CGNL1: variants seen among roughly 807,000 people sequenced by gnomAD.
The protein encoded by CGNL1 is cingulin-like protein 1.
Under a neutral mutation model 141.2 loss-of-function variants are expected in CGNL1, and 132 were observed. That is an observed-to-expected ratio of 0.93 (90% CI 0.81 to 1.08). The LOEUF (loss-of-function observed/expected upper bound fraction) is 1.08. CGNL1 is among the 50% of genes least tolerant of loss of function. The probability of loss-of-function intolerance (pLI) is 0.00; values close to 1 mark genes in which losing one functional copy is unlikely to be tolerated. For synonymous variants in CGNL1, 690 were observed against 622.1 expected, an observed-to-expected ratio of 1.11 and a Z score of -1.63; for missense variants, 1,870 against 1,588.6, an observed-to-expected ratio of 1.18 and a Z score of -3.01.
intron 8 of CGNL1, among the ~76,000 whole-genome samples, chr15:57,479,381 G>A (rs1318309344): frequency 1.3e-5 from 2 of 152,134 alleles, no homozygotes; most frequent in African/African-American, 4.8e-5. Context: ...ATGGGCAAAG[G>A]GGCTGGGCAT....
chr15:57,530,687 C>T (rs1253679764), intron 13 of CGNL1, among the ~76,000 whole-genome samples: 3 of 152,174 alleles, frequency 2.0e-5, no homozygotes, highest in African/African-American at 7.2e-5. Context: ...AGATGCTTGG[C>T]TCCTGGGTGA....
At chr15:57,542,270 G>A (rs1446377117) in intron 14 of CGNL1, among the ~76,000 whole-genome samples, 1 of 152,180 alleles carries the variant, frequency 6.6e-6, no homozygotes, top group African/African-American at 2.4e-5. Context: ...TGGTGTCTGG[G>A]GCTGTGTGTG....
chr15:57,528,779 C>G lies in CGNL1; in HGVS notation c.3165C>G (p.Leu1055=), dbSNP rs777805294. The G allele has an allele frequency of 6.2e-6, 10 of 1,614,080 alleles. No homozygotes were observed. In the East Asian group the frequency reaches 2.0e-4, roughly 32 times the overall value. ...LEYELEAKSH[L]KDDRSRLVKQ... ...ATGAGCTGGAAGCCAAGAGTCACCT[C>G]AAAGATGACCGCAGCAGGCTGGTCA... is the stretch of plus-strand genomic sequence containing the variant. The change falls in exon 13 of 19, where the codon CTC becomes CTG. Residue 1055 remains leucine, a synonymous_variant. Coordinates refer to ENST00000281282, the MANE Select transcript of CGNL1 (RefSeq NM_032866.5).
intron 8 of CGNL1, among the ~76,000 whole-genome samples, chr15:57,489,776 C>T (rs2063833213): frequency 6.6e-6 from 1 of 152,126 alleles, no homozygotes; most frequent in Non-Finnish European, 1.5e-5. Context: ...GGTGCTGAAG[C>T]TTGGATATTA....
intron 1 of CGNL1, chr15:57,394,092 G>C (rs1490809466): frequency 1.0e-5 from 1 of 95,586 alleles, no homozygotes; most frequent in Non-Finnish European, 2.2e-5. Flanking sequence ...CCAAACCAGG[G>C]TAATTTCTGT....
At chr15:57,482,552 C>T (rs1287829175) in intron 8 of CGNL1, among the ~76,000 whole-genome samples, 3 of 152,128 alleles carry the variant, frequency 2.0e-5, no homozygotes, top group Non-Finnish European at 4.4e-5. Context: ...GGTTATTCTT[C>T]CTGCAATAAT....
chr15:57,509,594 A>G (rs2030046415), intron 8 of CGNL1, among the ~76,000 whole-genome samples: 2 of 152,178 alleles, frequency 1.3e-5, no homozygotes, highest in Admixed American at 1.3e-4. Context: ...TTTGGTACTC[A>G]TCTCTTGTTT....
chr15:57,483,881 C>G (rs1462901270), intron 8 of CGNL1, among the ~76,000 whole-genome samples: 2 of 152,096 alleles, frequency 1.3e-5, no homozygotes, highest in Non-Finnish European at 2.9e-5. Context: ...TTGATATGAT[C>G]ATGTGATTTT....
chr15:57,525,340 A>G (rs774803372), intron 12 of CGNL1, among the ~76,000 whole-genome samples: 27 of 152,246 alleles, frequency 1.8e-4, no homozygotes, highest in Non-Finnish European at 5.9e-5. Context: ...ACTGAGAAAA[A>G]GAAAGGGGAT....
In CGNL1 at chr15:57,457,779, C is replaced by T. The variant is rs1371359462; in HGVS notation, c.2191-3901C>T. On this transcript the variant is annotated intron_variant, in intron 7 of 18. Transcript: ENST00000281282. The stretch of plus-strand genomic sequence containing the variant: ...GCCACCCCCATGGTTCCATTATCTC[C>T]CACTGGGCTCCTCCCTCAACATGAG... Among the ~76,000 whole-genome samples, 3 of 152,158 alleles carry T rather than the reference C, an allele frequency of 2.0e-5. No homozygotes were observed. The East Asian group carries it at 5.8e-4, about 29-fold the overall frequency.
chr15:57,453,527 T>C (rs1178829286), intron 6 of CGNL1, among the ~76,000 whole-genome samples, 156 bp from the exon 7 acceptor site: 1 of 152,190 alleles, frequency 6.6e-6, no homozygotes, highest in Non-Finnish European at 1.5e-5. Flanking sequence ...AGCCACCTTT[T>C]CAGGTTGGTG....
intron 8 of CGNL1, among the ~76,000 whole-genome samples, chr15:57,465,382 ACTT>A: frequency 9.9e-6 from 1 of 101,396 alleles, no homozygotes; most frequent in South Asian, 3.0e-4. Context: ...CTAAAAACTG[ACTT>A]TTTTTTTTTT....
intron 8 of CGNL1, among the ~76,000 whole-genome samples, chr15:57,516,022 G>A (rs972656044): frequency 2.0e-5 from 3 of 151,926 alleles, no homozygotes; most frequent in African/African-American, 7.2e-5. Context: ...AGCCAGGCGT[G>A]GTGGCGGGCG....
At position 57,438,983 on chromosome 15, in the gene CGNL1, T is replaced by A. The variant is rs747107330; in HGVS notation, c.984T>A (p.Arg328=). 6.2e-7 allele frequency: 1 copy of A among 1,614,108 alleles called. No individual in the cohort carries two copies. The highest frequency in any genetic ancestry group is 1.1e-5 in the South Asian group (1 of 91,076). Reference sequence around the variant, plus strand: ...CCATCCATGCCGACAACGTCAATCGTCATGAAAACAGAAGGTATATTCCCT... The same window carrying A: ...CCATCCATGCCGACAACGTCAATCGACATGAAAACAGAAGGTATATTCCCT... ...ECAIHADNVN[R]HENRRYIPFL... The change falls in exon 2 of 19, where the codon CGT becomes CGA. Residue 328 remains arginine (R), a synonymous_variant. Coordinates refer to ENST00000281282, the MANE Select transcript of CGNL1 (RefSeq NM_032866.5).
Position 57,440,417 on chromosome 15 carries a change from A to G in CGNL1, c.1643A>G (p.Gln548Arg). The change falls in exon 3 of 19, where the codon CAG becomes CGG. Residue 548 changes from glutamine (Q) to arginine (R), a missense_variant. Coordinates refer to ENST00000281282, the MANE Select transcript of CGNL1 (RefSeq NM_032866.5). The part of the protein sequence containing the change: ...DLLKGQQELT[Q>R]QTNEETAKQI... ...TTAAAGGGCCAGCAAGAGCTCACTC[A>G]GCAAACCAATGAGGAGACAGCTAAG... is the stretch of plus-strand genomic sequence containing the variant. 3.7e-6 allele frequency: 6 copies of G among 1,603,268 alleles called. No homozygotes were observed. The highest frequency in any genetic ancestry group is 1.3e-5 in the African/African-American group (1 of 74,978).
chr15:57,396,079 T>G (rs1595658659), intron 1 of CGNL1, among the ~76,000 whole-genome samples: 2 of 152,334 alleles, frequency 1.3e-5, no homozygotes, highest in East Asian at 1.9e-4. Flanking sequence ...TTTGTGAAAT[T>G]CATCCATTGA....
At chr15:57,449,412 A>G (rs61035936) in intron 4 of CGNL1, among the ~76,000 whole-genome samples, 37,341 of 152,076 alleles carry the variant, frequency 0.25, 4,701 homozygotes, top group East Asian at 0.29. Context: ...CTTATTTTTC[A>G]GAATAGTTTT....
chr15:57,442,287 C>A, intron 3 of CGNL1, 86 bp from the exon 4 acceptor site: 1 of 720,376 alleles, frequency 1.4e-6, no homozygotes. Context: ...CCTTAAAGGA[C>A]CTGTTGGGTG....
intron 1 of CGNL1, among the ~76,000 whole-genome samples, chr15:57,434,541 G>C (rs2063082084): frequency 6.6e-6 from 1 of 152,054 alleles, no homozygotes. Context: ...TTTTATAAAA[G>C]AGTCCACTTT....
Sources: allele counts gnomAD v4.1 joint callset (sites outside exome capture counted in the v4.1 genomes callset), GRCh38; gene constraint gnomAD v4.1.1; transcripts MANE v1.5; gene names NCBI Gene and HGNC (gene_info 2026-07-23, HGNC 2026-07-21).